The following DGKI variants were observed in gnomAD, a reference collection of about 807,000 sequenced individuals.
DGKI encodes DAG kinase iota.
A neutral mutation model predicts 147.5 loss-of-function variants in DGKI; 55 were observed. The ratio of observed to expected loss-of-function variants is 0.37; its 90% confidence interval spans 0.30 to 0.47. The LOEUF (loss-of-function observed/expected upper bound fraction) is 0.47, where lower values mean the gene tolerates loss of function less well. Ranked by LOEUF, DGKI falls within the 20% of genes least tolerant of loss-of-function variation. The probability of loss-of-function intolerance (pLI) is 1.00; values close to 1 mark genes in which losing one functional copy is unlikely to be tolerated. For synonymous variants in DGKI, 469 were observed against 477.1 expected (o/e 0.98, Z 0.22); for missense variants, 1,007 against 1,323.8 (o/e 0.76, Z 3.71).
chr7:137,487,715 C>A, intron 21 of DGKI, 26 bp from the exon 22 acceptor site: 1 of 1,596,770 alleles, frequency 6.3e-7, no homozygotes, highest in Non-Finnish European at 8.6e-7. Flanking sequence ...GAAGAAAAAT[C>A]TAAAATAACA....
intron 20 of DGKI, among the ~76,000 whole-genome samples, chr7:137,526,917 G>C (rs1817167587): frequency 6.6e-6 from 1 of 152,034 alleles, no homozygotes; most frequent in South Asian, 2.1e-4. Flanking sequence ...TCTCTTTATG[G>C]ATAAAGTGGA....
Position 137,846,710 on chromosome 7 carries a change from G to C in DGKI, c.153C>G (p.Gly51=). The C allele has an allele frequency of 9.7e-7, 1 of 1,029,704 alleles. No homozygotes were observed. The highest frequency in any genetic ancestry group is 1.2e-6 in the Non-Finnish European group (1 of 859,508). The allele number at this position is 1,029,704 out of a possible 1,614,324, so 63.8% of individuals were successfully genotyped here. A position where few individuals can be genotyped will look rare whatever the true frequency, so the allele number is the denominator to read the frequency against. The change falls in exon 1 of 33, where the codon GGC becomes GGG. Residue 51 remains glycine, a synonymous_variant. Transcript: ENST00000614521. The surrounding 1 kb of genome is among the most constrained non-coding windows in gnomAD (Gnocchi z 4.0). ...ACAPSAAAGA[G]AMNPSSSAGE... is the part of the protein sequence containing the mutation. ...CCGCCGAGGAGCTGGGGTTCATGGC[G>C]CCCGCTCCGGCGGCCGCGGAGGGAG...
chr7:137,509,702 C>T (rs970071395), intron 21 of DGKI, among the ~76,000 whole-genome samples: 1 of 152,028 alleles, frequency 6.6e-6, no homozygotes, highest in Non-Finnish European at 1.5e-5. Context: ...ACCTAAAATA[C>T]AAGAAAATGG....
chr7:137,540,688 A>C (rs1224868310), intron 20 of DGKI, among the ~76,000 whole-genome samples: 2 of 148,880 alleles, frequency 1.3e-5, no homozygotes, highest in African/African-American at 5.1e-5. Flanking sequence ...CCTGTATCAA[A>C]AGGAAAAAAA....
At chr7:137,393,197 T>C (rs930886834) in intron 32 of DGKI, among the ~76,000 whole-genome samples, 1 of 147,216 alleles carries the variant, frequency 6.8e-6, no homozygotes, top group African/African-American at 2.5e-5. Flanking sequence ...ATGTGAGGGG[T>C]TTATAATTAT....
chr7:137,448,342 A>G (rs1301890404), intron 27 of DGKI, among the ~76,000 whole-genome samples: 1 of 151,600 alleles, frequency 6.6e-6, no homozygotes, highest in Non-Finnish European at 1.5e-5. Flanking sequence ...AAATATTACA[A>G]GTAATAACAG....
chr7:137,605,375 TA>T (rs1004728694), intron 10 of DGKI, among the ~76,000 whole-genome samples: 8 of 146,102 alleles, frequency 5.5e-5, no homozygotes, highest in East Asian at 2.0e-4. Flanking sequence ...TAAAATAAAA[TA>T]AAAAAAGTTG....
At chr7:137,671,268 G>C (rs775209896) in intron 3 of DGKI, among the ~76,000 whole-genome samples, 1 of 152,192 alleles carries the variant, frequency 6.6e-6, no homozygotes, top group Non-Finnish European at 1.5e-5. Context: ...CAATGATGAG[G>C]CTTCTGATTC....
chr7:137,505,748 A>C (rs867379771), intron 21 of DGKI, among the ~76,000 whole-genome samples: 1 of 151,832 alleles, frequency 6.6e-6, no homozygotes, highest in African/African-American at 2.4e-5. Flanking sequence ...CAAAAAATAC[A>C]TAGAATTCTT....
At position 137,535,940 on chromosome 7, in the gene DGKI, TG is replaced by T. The variant is rs1817504002; in HGVS notation, c.2148-13975del. On this transcript the variant is annotated intron_variant, in intron 20 of 32. Coordinates refer to ENST00000614521, the MANE Select transcript of DGKI (RefSeq NM_001321708.2). ...TTCTAAAAGACTTCAAATTACTTAG[TG>T]GTGCTATTTTTACCTGAAATTTGTC... 2.0e-5 allele frequency among the ~76,000 whole-genome samples: 3 copies of T among 152,172 alleles called. No individual in the cohort carries two copies. The South Asian group carries it at 6.2e-4, about 31-fold the overall frequency.
chr7:137,466,061 C>A (rs1350695184), intron 25 of DGKI, 26 bp from the exon 26 acceptor site: 1 of 1,610,826 alleles, frequency 6.2e-7, no homozygotes, highest in Non-Finnish European at 8.5e-7. Flanking sequence ...AAGTCTGTTG[C>A]ATGAAGAATA....
chr7:137,444,609 C>A (rs1355641003), intron 27 of DGKI, among the ~76,000 whole-genome samples: 1 of 152,184 alleles, frequency 6.6e-6, no homozygotes, highest in African/African-American at 2.4e-5. Context: ...AGTGAGCTGA[C>A]CCTCTATTCG....
In DGKI at chr7:137,567,834, G is replaced by C. The variant is rs141089833; in HGVS notation, c.1947+3341C>G. On this transcript the variant is annotated intron_variant, in intron 19 of 32. Coordinates refer to ENST00000614521, the MANE Select transcript of DGKI (RefSeq NM_001321708.2). Reference sequence around the variant, plus strand: ...AAAGTATCTTTTAAAAGTCCATTTCGAATTATTGATGGATAAAATGATATA... The same window carrying C: ...AAAGTATCTTTTAAAAGTCCATTTCCAATTATTGATGGATAAAATGATATA... Among the ~76,000 whole-genome samples, 379 of 152,006 alleles carry C rather than the reference G, an allele frequency of 2.5e-3. 3 individuals carry two copies. Among genetic ancestry groups the C allele is most frequent in the African/African-American group, 8.7e-3 (362 of 41,468 alleles).
chr7:137,646,250 C>A (rs935595036), intron 5 of DGKI, among the ~76,000 whole-genome samples: 2 of 152,082 alleles, frequency 1.3e-5, no homozygotes, highest in African/African-American at 4.8e-5. Flanking sequence ...TCTCCTAATA[C>A]AAGACATAGA....
rs923703829 is a variant in DGKI, at chr7:137,573,680, T to C, written c.1762-842A>G. ...TTGGCCTCACAAAGTGCTGGGATTA[T>C]AGGCGTGAGCCACTGCGCCTGGCCA... is the stretch of plus-strand genomic sequence containing the variant. On this transcript the variant is annotated intron_variant, in intron 17 of 32. Coordinates refer to ENST00000614521, the MANE Select transcript of DGKI (RefSeq NM_001321708.2). Among the ~76,000 whole-genome samples, 6 of 152,296 alleles carry C rather than the reference T, an allele frequency of 3.9e-5. No individual in the cohort carries two copies. The East Asian group carries it at 5.8e-4, about 15-fold the overall frequency.
intron 1 of DGKI, among the ~76,000 whole-genome samples, chr7:137,811,368 T>C (rs13312034): frequency 4.1e-5 from 4 of 97,560 alleles, no homozygotes; most frequent in African/African-American, 1.5e-4. Flanking sequence ...TCTCTCCCTC[T>C]CTCTCTCTCT....
chr7:137,696,765 A>G (rs1823804161), intron 1 of DGKI, among the ~76,000 whole-genome samples: 1 of 152,144 alleles, frequency 6.6e-6, no homozygotes, highest in African/African-American at 2.4e-5. Context: ...GTGTCACCCC[A>G]AAGTTCCCAT....
intron 22 of DGKI, 140 bp from the exon 23 acceptor site, chr7:137,485,558 G>T (rs535512480): frequency 3.0e-6 from 2 of 665,402 alleles, no homozygotes; most frequent in Middle Eastern, 2.6e-4. Flanking sequence ...AATTCATAAA[G>T]GTTAAATAAA....
Position 137,667,180 on chromosome 7 carries a change from T to C in DGKI, c.607-10640A>G, listed in dbSNP as rs144247139. On this transcript the variant is annotated intron_variant, in intron 3 of 32. Transcript: ENST00000614521. ...TGCCAGGTGTCTTATAGTAGAGTAATTGAAGGATTGATATGCACGCAAATA... is the reference window on the plus strand; with the variant it reads ...TGCCAGGTGTCTTATAGTAGAGTAACTGAAGGATTGATATGCACGCAAATA... 3.6e-3 allele frequency among the ~76,000 whole-genome samples: 546 copies of C among 152,206 alleles called. 5 individuals carry two copies. The highest frequency in any genetic ancestry group is 5.9e-3 in the Non-Finnish European group (402 of 68,010).
Sources: allele counts gnomAD v4.1 joint callset (sites outside exome capture counted in the v4.1 genomes callset), GRCh38; gene constraint gnomAD v4.1.1; non-coding constraint Gnocchi (gnomAD v3.1); transcripts MANE v1.5; gene names NCBI Gene and HGNC (gene_info 2026-07-23, HGNC 2026-07-21).